The following MGLL variants were observed in gnomAD, a reference collection of about 807,000 sequenced individuals.
MGLL encodes lysophospholipase homolog.
In MGLL, 7 loss-of-function variants were observed where a neutral mutation model predicts 29.1. The ratio of observed to expected loss-of-function variants is 0.24; its 90% CI spans 0.14 to 0.45. The LOEUF (loss-of-function observed/expected upper bound fraction) is 0.45. Ranked by LOEUF, MGLL falls within the 20% of genes least tolerant of loss-of-function variation. The pLI is 0.99. For missense variants in MGLL, 356 were observed against 413.6 expected (o/e 0.86, Z 1.21); for synonymous variants, 148 against 168.3 (o/e 0.88, Z 0.93).
At chr3:127,781,754 C>T (rs1201834389) in intron 3 of MGLL, 35 bp downstream of exon 3, 9 of 1,592,744 alleles carry the variant, frequency 5.7e-6, no homozygotes, top group Admixed American at 1.7e-5. Context: ...ATTGTCAGGG[C>T]CCAGCCAGCT....
chr3:127,822,711 C>T (rs2107767822), upstream of MGLL: 1 of 253,406 alleles, frequency 3.9e-6, no homozygotes, highest in African/African-American at 2.3e-5. Flanking sequence ...AAGTCGCCCC[C>T]AAGGCTTCTC....
chr3:127,758,904 C>CTT (rs753605301), intron 3 of MGLL, among the ~76,000 whole-genome samples: 2 of 141,410 alleles, frequency 1.4e-5, no homozygotes, highest in Admixed American at 7.4e-5. Flanking sequence ...CTTTCTTTTT[C>CTT]TTTTTTTTTT....
At chr3:127,785,156 C>T (rs904395458) in intron 2 of MGLL, among the ~76,000 whole-genome samples, 4 of 152,132 alleles carry the variant, frequency 2.6e-5, no homozygotes, top group East Asian at 1.9e-4. Flanking sequence ...CACCTCACCC[C>T]CTGTGAGCAC....
At chr3:127,793,155 C>T (rs79675943) in intron 2 of MGLL, among the ~76,000 whole-genome samples, 2,665 of 152,258 alleles carry the variant, frequency 0.018, 81 homozygotes, top group African/African-American at 0.06. Context: ...ATAAAGCAAT[C>T]GGAGTCGACC....
intron 3 of MGLL, among the ~76,000 whole-genome samples, chr3:127,759,075 T>G (rs2076715337): frequency 1.3e-5 from 2 of 152,020 alleles, no homozygotes; most frequent in South Asian, 4.2e-4. Flanking sequence ...TACAGGTACA[T>G]GCCACCAAGC....
At chr3:127,720,078 C>A (rs2075889630) in intron 5 of MGLL, among the ~76,000 whole-genome samples, 1 of 152,184 alleles carries the variant, frequency 6.6e-6, no homozygotes, top group Non-Finnish European at 1.5e-5. Flanking sequence ...ATTCCCTGTA[C>A]TGTGTTGAAG....
intron 3 of MGLL, among the ~76,000 whole-genome samples, chr3:127,767,626 C>T (rs1289968267): frequency 6.6e-6 from 1 of 152,212 alleles, no homozygotes; most frequent in Non-Finnish European, 1.5e-5. Flanking sequence ...AGCCCTGGGG[C>T]ACTCTGTTCC....
chr3:127,782,762 A>G (rs1463414219), intron 2 of MGLL, among the ~76,000 whole-genome samples: 1 of 152,158 alleles, frequency 6.6e-6, no homozygotes, highest in Non-Finnish European at 1.5e-5. Flanking sequence ...AAAGAGGAGG[A>G]GGAGAACAAG....
At chr3:127,816,755 C>T (rs1452814479) in intron 2 of MGLL, among the ~76,000 whole-genome samples, 2 of 152,142 alleles carry the variant, frequency 1.3e-5, no homozygotes, top group Admixed American at 1.3e-4. Flanking sequence ...GGGCCTAGAA[C>T]GGGAGGGCTG....
chr3:127,699,573 T>G (rs2075438078), intron 6 of MGLL, among the ~76,000 whole-genome samples: 1 of 152,170 alleles, frequency 6.6e-6, no homozygotes, highest in Non-Finnish European at 1.5e-5. Context: ...GTTAGATGAC[T>G]CACCCAAGGT....
intron 2 of MGLL, among the ~76,000 whole-genome samples, chr3:127,793,718 C>G (rs1281974181): frequency 6.6e-6 from 1 of 152,152 alleles, no homozygotes; most frequent in Non-Finnish European, 1.5e-5. Context: ...CCTGCCACCA[C>G]GCCCAGCTAA....
intron 2 of MGLL, among the ~76,000 whole-genome samples, chr3:127,814,530 G>A (rs2077720087): frequency 6.6e-6 from 1 of 152,198 alleles, no homozygotes; most frequent in Non-Finnish European, 1.5e-5. Flanking sequence ...AGTGCATCTG[G>A]GATTAAGATC....
chr3:127,693,021 C>T (rs769851092), intron 7 of MGLL, among the ~76,000 whole-genome samples: 2 of 152,146 alleles, frequency 1.3e-5, no homozygotes, highest in Non-Finnish European at 2.9e-5. Flanking sequence ...CCGGAATTTA[C>T]ATCTCCAGCC....
chr3:127,816,466 T>C (rs1051253070), intron 2 of MGLL, among the ~76,000 whole-genome samples: 3 of 152,078 alleles, frequency 2.0e-5, no homozygotes, highest in African/African-American at 7.2e-5. Flanking sequence ...ATGGTGAAAA[T>C]TGTTCACCTC....
chr3:127,787,154 A>G (rs2077228349), intron 2 of MGLL, among the ~76,000 whole-genome samples: 1 of 152,204 alleles, frequency 6.6e-6, no homozygotes, highest in Non-Finnish European at 1.5e-5. Flanking sequence ...GGCCAGGGAC[A>G]ACTCACATTC....
At chr3:127,697,080 C>G (rs1413995586) in intron 6 of MGLL, among the ~76,000 whole-genome samples, 1 of 152,238 alleles carries the variant, frequency 6.6e-6, no homozygotes, top group Non-Finnish European at 1.5e-5. Flanking sequence ...TTAGCCACTT[C>G]CTGCAGCTGA....
intron 5 of MGLL, among the ~76,000 whole-genome samples, chr3:127,717,925 A>G (rs2107617609): frequency 1.3e-5 from 2 of 152,356 alleles, no homozygotes; most frequent in Middle Eastern, 3.4e-3. Context: ...TGACCTCACA[A>G]ATAGCCAGAT....
intron 2 of MGLL, among the ~76,000 whole-genome samples, chr3:127,784,481 TG>T (rs1438561362): frequency 2.6e-5 from 4 of 152,120 alleles, no homozygotes; most frequent in East Asian, 3.9e-4. Context: ...CCAATCTCCC[TG>T]GGGGGTATGC....
intron 3 of MGLL, among the ~76,000 whole-genome samples, chr3:127,726,746 A>G (rs1231390917): frequency 6.6e-6 from 1 of 151,906 alleles, no homozygotes; most frequent in Admixed American, 6.6e-5. Flanking sequence ...GGTTCTTTAT[A>G]CTATTCTTGC....
Sources: allele counts gnomAD v4.1 joint callset (sites outside exome capture counted in the v4.1 genomes callset), GRCh38; gene constraint gnomAD v4.1.1; transcripts MANE v1.5; gene names NCBI Gene and HGNC (gene_info 2026-07-23, HGNC 2026-07-21).